The following GRM8 variants were observed in gnomAD, a reference collection of about 807,000 sequenced individuals.
GRM8 encodes metabotropic glutamate receptor 8.
GRM8 carries 47 observed loss-of-function variants against 87.2 expected under a neutral mutation model. The observed-to-expected ratio is 0.54, with a 90% CI of 0.43 to 0.69. GRM8 has a LOEUF of 0.69. GRM8 is among the 30% of genes least tolerant of loss of function. The pLI is 0.00. For synonymous variants in GRM8, 396 were observed against 404.5 expected (o/e 0.98, Z 0.25); for missense variants, 1,019 against 1,139.2 (o/e 0.89, Z 1.52).
At chr7:127,040,030 AGGGGAGGGTGAGGAGGGT>A (rs1818262830) in intron 3 of GRM8, among the ~76,000 whole-genome samples, 1 of 19,810 alleles carries the variant, frequency 5.0e-5, no homozygotes, top group Admixed American at 4.6e-4. Flanking sequence ...GTGAGGAGGG[AGGGGAGGGTGAGGAGGGT>A]GGGGAGGAGG....
At chr7:126,530,071 T>C (rs1814560080) in intron 9 of GRM8, among the ~76,000 whole-genome samples, 1 of 152,232 alleles carries the variant, frequency 6.6e-6, no homozygotes, top group Non-Finnish European at 1.5e-5. Context: ...GATATATCAT[T>C]GAATAAAGGC....
chr7:127,131,402 A>G, intron 2 of GRM8, among the ~76,000 whole-genome samples: 1 of 152,218 alleles, frequency 6.6e-6, no homozygotes, highest in East Asian at 1.9e-4. Context: ...TTTTCAGAGG[A>G]AAGTGGTTTC....
intron 2 of GRM8, among the ~76,000 whole-genome samples, chr7:127,206,293 C>A (rs924518657): frequency 3.3e-4 from 50 of 152,218 alleles, no homozygotes; most frequent in African/African-American, 1.2e-3. Context: ...TGCCCAAATG[C>A]GGTGAAGACC....
At chr7:126,909,796 C>T (rs986278380) in intron 3 of GRM8, among the ~76,000 whole-genome samples, 7 of 152,114 alleles carry the variant, frequency 4.6e-5, no homozygotes, top group Admixed American at 2.6e-4. Flanking sequence ...AGGTTTGCAT[C>T]ATGACCATCT....
At chr7:127,149,971 G>A (rs1828764422) in intron 2 of GRM8, among the ~76,000 whole-genome samples, 1 of 151,952 alleles carries the variant, frequency 6.6e-6, no homozygotes, top group Non-Finnish European at 1.5e-5. Flanking sequence ...ACAACATGAA[G>A]GTCATAGGTA....
intron 3 of GRM8, among the ~76,000 whole-genome samples, chr7:126,914,886 C>G (rs890320180): frequency 7.2e-5 from 11 of 152,160 alleles, no homozygotes; most frequent in African/African-American, 2.7e-4. Flanking sequence ...ACCCCTGTAA[C>G]AAACCTGCTC....
chr7:126,579,080 C>T lies in GRM8; in HGVS notation c.1494+30282G>A, dbSNP rs919126486. Among the ~76,000 whole-genome samples, 4 of 152,206 alleles carry T rather than the reference C, an allele frequency of 2.6e-5. No homozygotes were observed. In the East Asian group the frequency reaches 7.7e-4, roughly 29 times the overall value. ...TTCTAAGTAGAGGTAAAGGATTCTA[C>T]TCCTCCCACTAAAAATACAAAATAA... On this transcript the variant is annotated intron_variant, in intron 8 of 10. Transcript: ENST00000339582.
intron 1 of GRM8, among the ~76,000 whole-genome samples, chr7:127,250,408 A>G (rs988437351): frequency 1.3e-5 from 2 of 152,208 alleles, no homozygotes. Context: ...GAACAAATTG[A>G]GCCTAAGGAA....
intron 7 of GRM8, among the ~76,000 whole-genome samples, chr7:126,630,692 A>G (rs548485406): frequency 2.6e-5 from 4 of 152,262 alleles, no homozygotes; most frequent in Non-Finnish European, 4.4e-5. Flanking sequence ...ATGATCAAGT[A>G]GACTTCATCC....
chr7:126,643,892 C>T (rs1205254344), intron 7 of GRM8, among the ~76,000 whole-genome samples: 1 of 152,186 alleles, frequency 6.6e-6, no homozygotes, highest in Non-Finnish European at 1.5e-5. Context: ...AGTGGGTCAC[C>T]GAAGGTCGTG....
In GRM8 at chr7:126,439,111, T is replaced by A; in HGVS notation, c.*8A>T. On this transcript the variant is annotated 3_prime_UTR_variant, in exon 11 of 11. Transcript: ENST00000339582. Reference sequence around the variant, plus strand: ...CCACATCTCTTCAGATTGTGCCATTTCCCTGTTTCAGATTGAATGATTGCT... The same window carrying A: ...CCACATCTCTTCAGATTGTGCCATTACCCTGTTTCAGATTGAATGATTGCT... 6.5e-7 allele frequency: 1 copy of A among 1,545,972 alleles called. No homozygotes were observed.
chr7:127,096,802 T>C (rs930364813), intron 3 of GRM8, among the ~76,000 whole-genome samples: 7 of 152,086 alleles, frequency 4.6e-5, no homozygotes, highest in Non-Finnish European at 8.8e-5. Flanking sequence ...GAGATTAGGG[T>C]TGGATGAACC....
At chr7:126,551,787 T>A (rs912853048) in intron 8 of GRM8, among the ~76,000 whole-genome samples, 3 of 152,116 alleles carry the variant, frequency 2.0e-5, no homozygotes, top group African/African-American at 4.8e-5. Context: ...TAGCTTTCTT[T>A]CTCTTCTAAT....
At chr7:126,666,208 T>C (rs900532678) in intron 7 of GRM8, among the ~76,000 whole-genome samples, 2 of 152,220 alleles carry the variant, frequency 1.3e-5, no homozygotes, top group African/African-American at 4.8e-5. Flanking sequence ...TAATGAGCAA[T>C]GTCAACTCTG....
In GRM8 at chr7:127,245,923, A is replaced by C. The variant is rs190025421; in HGVS notation, c.-311-2408T>G. On this transcript the variant is annotated intron_variant, in intron 1 of 10. Transcript: ENST00000339582. ...TGGAAAGCATAGTATCTGGCTCATTAAACAGGAGTTATTGTTGCTAACTTA... is the reference window on the plus strand; with the variant it reads ...TGGAAAGCATAGTATCTGGCTCATTCAACAGGAGTTATTGTTGCTAACTTA... Among the ~76,000 whole-genome samples the C allele has an allele frequency of 1.7e-3, 252 of 152,346 alleles. 1 individual carries two copies. The highest frequency in any genetic ancestry group is 6.8e-3 in the Middle Eastern group (2 of 294).
At chr7:126,551,131 T>C (rs944128504) in intron 8 of GRM8, among the ~76,000 whole-genome samples, 2 of 152,174 alleles carry the variant, frequency 1.3e-5, no homozygotes, top group Admixed American at 1.3e-4. Context: ...GTTGTATTCT[T>C]TAACTGCTGC....
Position 127,243,262 on chromosome 7 carries a change from AAG to A in GRM8, c.-60_-59del, listed in dbSNP as rs1444877416. ...CAAAGTTTATTCTTGCCACAGAAGA[AAG>A]GGCACCACCTGAGGCTGCACCTTCT... On this transcript the variant is annotated 5_prime_UTR_variant, in exon 2 of 11. The change abolishes the stop of an existing upstream ORF in the 5' untranslated region. Coordinates refer to ENST00000339582, the MANE Select transcript of GRM8 (RefSeq NM_000845.3). 3 of 1,498,962 alleles carry A rather than the reference AAG, an allele frequency of 2.0e-6. No individual in the cohort carries two copies. The East Asian group carries it at 6.8e-5, about 34-fold the overall frequency. 92.9% of individuals were successfully genotyped at this position (1,498,962 alleles called of 1,614,324 possible). A position where few individuals can be genotyped will look rare whatever the true frequency, so the allele number is the denominator to read the frequency against.
chr7:126,476,218 T>C (rs897708014), intron 9 of GRM8, among the ~76,000 whole-genome samples: 1 of 152,050 alleles, frequency 6.6e-6, no homozygotes, highest in African/African-American at 2.4e-5. Context: ...TTATGTTGTT[T>C]TGAGGCTGGG....
intron 9 of GRM8, among the ~76,000 whole-genome samples, chr7:126,503,499 C>T (rs1374699219): frequency 6.6e-6 from 1 of 151,894 alleles, no homozygotes; most frequent in Non-Finnish European, 1.5e-5. Context: ...GCCTTTTTTT[C>T]ATTGTTGTTA....
Sources: allele counts gnomAD v4.1 joint callset (sites outside exome capture counted in the v4.1 genomes callset), GRCh38; gene constraint gnomAD v4.1.1; transcripts MANE v1.5; gene names NCBI Gene and HGNC (gene_info 2026-07-23, HGNC 2026-07-21).